Variants in NBPF10 observed in about 807,000 individuals in gnomAD.
The protein encoded by NBPF10 is NBPF family member NBPF10.
NBPF10 carries 63 observed loss-of-function variants against 77.9 expected under a neutral mutation model. That is an observed-to-expected ratio of 0.81 (90% confidence interval 0.66 to 1.00). The LOEUF (loss-of-function observed/expected upper bound fraction) is 1.00, where lower values mean the gene tolerates loss of function less well. Ranked by LOEUF, NBPF10 falls within the 50% of genes least tolerant of loss-of-function variation. The pLI, the probability that NBPF10 is intolerant of heterozygous loss-of-function variation, is 0.00. For synonymous variants in NBPF10, 146 were observed against 264.5 expected (o/e 0.55, Z 4.35); for missense variants, 522 against 679.8 (o/e 0.77, Z 2.58).
Position 146,067,867 on chromosome 1 carries a change from A to G in NBPF10, c.11035+136T>C, listed in dbSNP as rs587715414. 3.0e-4 allele frequency: 210 copies of G among 697,972 alleles called. 1 individual carries two copies. The highest frequency in any genetic ancestry group is 1.5e-3 in the Admixed American group (74 of 49,146). 43.2% of individuals were successfully genotyped at this position (697,972 alleles called of 1,614,324 possible). A position where few individuals can be genotyped will look rare whatever the true frequency, so the allele number is the denominator to read the frequency against. On this transcript the variant is annotated intron_variant, in intron 88 of 89. Transcript: ENST00000583866. The stretch of plus-strand genomic sequence containing the variant: ...TTCCAGCTGAGACTACAGTTTCATT[A>G]CAACCTATATGCGCCCATAGGTCCT...
At chr1:146,125,684 T>G (rs1559339123) in intron 14 of NBPF10, among the ~76,000 whole-genome samples, 168 bp from the exon 15 acceptor site, 1 of 130,258 alleles carries the variant, frequency 7.7e-6, no homozygotes, top group African/African-American at 2.9e-5. Context: ...CAGAGATTCC[T>G]TGGTTTTTGT....
chr1:146,066,869 T>A (rs1256552628), intron 89 of NBPF10, among the ~76,000 whole-genome samples: 2 of 150,656 alleles, frequency 1.3e-5, no homozygotes, highest in East Asian at 1.9e-4. Flanking sequence ...AGTGCCCTCA[T>A]GACACACAGC....
intron 6 of NBPF10, among the ~76,000 whole-genome samples, chr1:146,137,391 CATTATT>C (rs59026854): frequency 3.3e-5 from 3 of 90,788 alleles, no homozygotes; most frequent in African/African-American, 1.1e-4. Flanking sequence ...TTTTATTTAT[CATTATT>C]ATTATTATTA....
At chr1:146,142,461 A>T (rs1375633821) in intron 2 of NBPF10, among the ~76,000 whole-genome samples, 189 bp downstream of exon 2, 1 of 133,024 alleles carries the variant, frequency 7.5e-6, no homozygotes, top group African/African-American at 2.5e-5. Flanking sequence ...CAAGGCTCTA[A>T]GAAACAACTG....
At chr1:146,132,977 C>A (rs1659348931) in intron 10 of NBPF10, among the ~76,000 whole-genome samples, 1 of 18,464 alleles carries the variant, frequency 5.4e-5, no homozygotes, top group African/African-American at 1.3e-4. Context: ...ATTGCATTGA[C>A]AGGGTGGAGA....
rs2102234770 is a variant in NBPF10 at position 146,142,746 on chromosome 1, T to C, written c.182A>G (p.Glu61Gly). Residue 61 changes from glutamate to glycine, a missense_variant, in exon 2 of 90, where the codon GAA (glutamate) becomes GGA (glycine). Glu to Gly is a moderately conservative substitution (Grantham distance 98). Around this residue, in one of 9 missense-constraint regions of NBPF10, gnomAD observed 71 missense variants for 114.9 expected, o/e 0.62. Coordinates refer to ENST00000583866, the Ensembl canonical transcript of NBPF10. ...AAATTTTATGAGGTCTTTACACTCT[T>C]CATACTCTGAAAAAAGACAGACACG... 3.7e-6 allele frequency: 5 copies of C among 1,354,764 alleles called. 2 individuals carry two copies. In the East Asian group the frequency reaches 1.4e-4, roughly 38 times the overall value. 83.9% of individuals were successfully genotyped at this position (1,354,764 alleles called of 1,614,324 possible).
Position 146,069,536 on chromosome 1 carries a change from TACTC to T in NBPF10, c.10810+3_10810+6del, listed in dbSNP as rs1553779348. Reference sequence around the variant, plus strand: ...GATCCTTATCACCTTCATAGAAAGGTACTCACCATCCATGTCAACAGCCAAGCCA... The same window carrying T: ...GATCCTTATCACCTTCATAGAAAGGTACCATCCATGTCAACAGCCAAGCCA... On this transcript the variant is annotated splice_donor_5th_base_variant and intron_variant, in intron 86 of 89. Coordinates refer to ENST00000583866, the Ensembl canonical transcript of NBPF10. 1.1e-6 allele frequency: 1 copy of T among 905,216 alleles called. No individual in the cohort carries two copies. The highest frequency in any genetic ancestry group is 2.2e-5 in the Admixed American group (1 of 46,340). The allele number at this position is 905,216 out of a possible 1,614,324, so 56.1% of individuals were successfully genotyped here.
chr1:146,134,171 G>A (rs1553793979), intron 9 of NBPF10, 22 bp downstream of exon 9: 3 of 1,399,462 alleles, frequency 2.1e-6, no homozygotes, highest in Non-Finnish European at 2.9e-6. Flanking sequence ...TCCATTAATT[G>A]TTCCTGAGTA....
At position 146,110,702 on chromosome 1, in the gene NBPF10, AG is replaced by A; in HGVS notation, c.4275-19del. The A allele has an allele frequency of 2.2e-5, 1 of 46,130 alleles. No homozygotes were observed. The highest frequency in any genetic ancestry group is 3.9e-5 in the Non-Finnish European group (1 of 25,466). The allele number at this position is 46,130 out of a possible 1,614,324, so 2.9% of individuals were successfully genotyped here. On this transcript the variant is annotated intron_variant, in intron 33 of 89. Transcript: ENST00000583866. The stretch of plus-strand genomic sequence containing the variant: ...TGCTGAGCCTGGAAAAGTAGGAAAA[AG>A]TAAAGAATAAGCCAGGGGGAATCAG...
chr1:146,068,005 T>A (rs1440765400), exon 88 of NBPF10: 1 of 527,058 alleles, frequency 1.9e-6, no homozygotes, highest in Non-Finnish European at 3.3e-6. Flanking sequence ...GTACTCACTG[T>A]CCACGTCAAG....
chr1:146,076,290 C>CACAG (rs1656042396), intron 77 of NBPF10, among the ~76,000 whole-genome samples: 1 of 11,044 alleles, frequency 9.1e-5, no homozygotes, highest in Admixed American at 1.9e-3. Flanking sequence ...CACACACACA[C>CACAG]ACACACACAC....
intron 6 of NBPF10, 75 bp from the exon 7 acceptor site, chr1:146,136,530 G>C: frequency 1.8e-6 from 2 of 1,104,868 alleles, no homozygotes; most frequent in Non-Finnish European, 2.7e-6. Flanking sequence ...CAGGACAGGA[G>C]CCAGGTCCAT....
exon 14 of NBPF10, chr1:146,126,257 C>G: frequency 1.9e-6 from 3 of 1,608,548 alleles, no homozygotes; most frequent in South Asian, 1.1e-5. Flanking sequence ...ATAGCCAAGC[C>G]AACACGCTGT....
chr1:146,076,240 C>G (rs1656029862), intron 77 of NBPF10, among the ~76,000 whole-genome samples, 199 bp from the exon 78 acceptor site: 1 of 2,048 alleles, frequency 4.9e-4, no homozygotes, highest in Non-Finnish European at 1.6e-3. Context: ...GACAGATAGA[C>G]ACACACACAC....
chr1:146,066,556 T>A (rs782624378), exon 90 of NBPF10: 1 of 691,922 alleles, frequency 1.4e-6, no homozygotes, highest in Non-Finnish European at 2.2e-6. Flanking sequence ...CAGCACGCCG[T>A]TGAGCCTGGA....
In NBPF10 at chr1:146,125,600, G is replaced by T. The variant is rs1269277846; in HGVS notation, c.2027-84C>A. Reference sequence around the variant, plus strand: ...ATCCACTGTCTAATCCTCACACAGGGACTTCAGGCTCCTCAGCATGAGAAT... The same window carrying T: ...ATCCACTGTCTAATCCTCACACAGGTACTTCAGGCTCCTCAGCATGAGAAT... On this transcript the variant is annotated intron_variant, in intron 14 of 89. Transcript: ENST00000583866. 12 of 547,874 alleles carry T rather than the reference G, an allele frequency of 2.2e-5. No homozygotes were observed. The African/African-American group carries it at 2.6e-4, about 12-fold the overall frequency. The allele number at this position is 547,874 out of a possible 1,614,324, so 33.9% of individuals were successfully genotyped here.
chr1:146,126,522 C>T (rs1445877942), intron 13 of NBPF10, 114 bp from the exon 14 acceptor site: 36 of 713,610 alleles, frequency 5.0e-5, no homozygotes, highest in South Asian at 3.7e-4. Context: ...AGGACAGATC[C>T]ATTAATGAGG....
In NBPF10 at chr1:146,137,718, A is replaced by T. The variant is rs1383742432; in HGVS notation, c.988+518T>A. ...CTCCCTGCTCTTGATGCTGTCACTT[A>T]TAGACAGCACAGGTTCTATTAGGAG... On this transcript the variant is annotated intron_variant, in intron 6 of 89. Transcript: ENST00000583866. 5.3e-4 allele frequency among the ~76,000 whole-genome samples: 73 copies of T among 137,864 alleles called. 1 individual carries two copies. Among genetic ancestry groups the T allele is most frequent in the South Asian group, 1.1e-3 (4 of 3,780 alleles). The allele number at this position is 137,864 out of a possible 152,430, so 90.4% of individuals were successfully genotyped here.
chr1:146,067,246 C>T (rs782504012), exon 89 of NBPF10: 2 of 565,052 alleles, frequency 3.5e-6, no homozygotes, highest in South Asian at 1.8e-5. Context: ...CTTCTTTGAT[C>T]TTCTTCCCCT....
Sources: gnomAD v4.1 joint callset for allele counts (sites outside exome capture counted in the v4.1 genomes callset) on GRCh38, gnomAD v4.1.1 for gene constraint, gnomAD v4.1.1 regional missense constraint, MANE v1.5 for transcripts, NCBI Gene and HGNC (gene_info 2026-07-23, HGNC 2026-07-21) for gene names.